Variants in NTRK2 observed in about 807,000 individuals in gnomAD.
NTRK2 encodes the protein neurotrophic receptor tyrosine kinase 2, also known as BDNF/NT-3 growth factors receptor.
A neutral mutation model predicts 94.5 loss-of-function variants in NTRK2; 13 were observed. The observed-to-expected ratio is 0.14, with a 90% confidence interval of 0.09 to 0.22. The LOEUF is 0.22. NTRK2 is among the 10% of genes least tolerant of loss of function. The pLI is 1.00. For missense variants in NTRK2, 639 were observed against 1,071.2 expected, an observed-to-expected ratio of 0.60 and a Z score of 5.63; for synonymous variants, 372 against 407.4, an observed-to-expected ratio of 0.91 and a Z score of 1.05.
intron 2 of NTRK2, among the ~76,000 whole-genome samples, chr9:84,690,528 TA>T (rs1363627790): frequency 7.1e-6 from 1 of 141,772 alleles, no homozygotes; most frequent in Non-Finnish European, 1.5e-5. Context: ...AAAGACATTT[TA>T]AAAAATGATA....
intron 12 of NTRK2, among the ~76,000 whole-genome samples, chr9:84,755,027 C>T (rs2064960359): frequency 6.6e-6 from 1 of 152,162 alleles, no homozygotes; most frequent in Non-Finnish European, 1.5e-5. Context: ...CAGGGCAACA[C>T]AAGCTTTATG....
At chr9:84,872,612 T>C in intron 14 of NTRK2, 1 of 1,064,900 alleles carries the variant, frequency 9.4e-7, no homozygotes. Flanking sequence ...ACTTTTTTTT[T>C]TTCAACTTAA....
At chr9:84,706,622 C>A (rs974149400) in intron 4 of NTRK2, among the ~76,000 whole-genome samples, 1 of 141,700 alleles carries the variant, frequency 7.1e-6, no homozygotes, top group African/African-American at 2.6e-5. Flanking sequence ...CTCTGCCTCC[C>A]GGGTTCATGC....
intron 14 of NTRK2, chr9:84,877,471 G>A (rs1381002049): frequency 2.3e-5 from 24 of 1,065,820 alleles, no homozygotes; most frequent in Non-Finnish European, 2.5e-5. Context: ...CTGGCTAATG[G>A]GCACTACATC....
intron 12 of NTRK2, among the ~76,000 whole-genome samples, chr9:84,758,637 C>T (rs1485829848): frequency 1.3e-5 from 2 of 152,160 alleles, no homozygotes; most frequent in African/African-American, 4.8e-5. Flanking sequence ...GTGATCCACC[C>T]GCCTCAGCCT....
intron 2 of NTRK2, among the ~76,000 whole-genome samples, chr9:84,697,828 GTGTGTT>G (rs2131629949): frequency 6.6e-6 from 1 of 152,298 alleles, no homozygotes; most frequent in East Asian, 1.9e-4. Flanking sequence ...TTGAGCTCGG[GTGTGTT>G]TGTCCACTGA....
chr9:84,899,655 T>C (rs2076868344), intron 14 of NTRK2, among the ~76,000 whole-genome samples: 2 of 152,198 alleles, frequency 1.3e-5, no homozygotes, highest in Non-Finnish European at 2.9e-5. Context: ...CGATTCTATA[T>C]TGTTTAGGTG....
intron 17 of NTRK2, among the ~76,000 whole-genome samples, chr9:84,985,208 G>A (rs565527131): frequency 5.9e-5 from 9 of 152,268 alleles, no homozygotes; most frequent in East Asian, 1.9e-4. Context: ...TGATTTTTGC[G>A]TCCTTTTCTA....
intron 14 of NTRK2, among the ~76,000 whole-genome samples, chr9:84,901,369 C>T (rs1371654506): frequency 6.6e-6 from 1 of 151,824 alleles, no homozygotes; most frequent in Admixed American, 6.6e-5. Flanking sequence ...ACTACAGGCA[C>T]GTGCCACCAC....
chr9:84,949,327 T>TG (rs907942233), intron 16 of NTRK2, among the ~76,000 whole-genome samples: 3 of 152,148 alleles, frequency 2.0e-5, no homozygotes, highest in African/African-American at 4.8e-5. Flanking sequence ...TTGTGGGATG[T>TG]GGGGTCTTCA....
rs117250170 is a variant in NTRK2 at position 84,723,596 on chromosome 9, G to T, written c.607G>T (p.Ala203Ser). Residue 203 changes from alanine (A) to serine (S), a missense_variant, in exon 7 of 19, where the codon GCA becomes TCA. By Grantham distance (99) the Ala-to-Ser change is moderately conservative. Coordinates refer to ENST00000277120, the MANE Select transcript of NTRK2 (RefSeq NM_006180.6). ...AGGTTTGCCATCTGCAAATCTGGCC[G>T]CACCTAACCTCACTGTGGAGGAAGG... ...NCGLPSANLA[A>S]PNLTVEEGKS... 3.0e-5 allele frequency: 48 copies of T among 1,613,882 alleles called. No homozygotes were observed. Among genetic ancestry groups the T allele is most frequent in the South Asian group, 1.9e-4 (17 of 91,072 alleles).
intron 12 of NTRK2, among the ~76,000 whole-genome samples, chr9:84,852,361 T>C (rs1822420): frequency 0.87 from 132,719 of 152,206 alleles, 57,964 homozygotes; most frequent in African/African-American, 0.9. Flanking sequence ...TGTGTGTGTG[T>C]GCAACCAGAC....
intron 12 of NTRK2, among the ~76,000 whole-genome samples, chr9:84,824,686 G>A (rs2073070122): frequency 6.6e-6 from 1 of 152,186 alleles, no homozygotes; most frequent in African/African-American, 2.4e-5. Context: ...GTGTTTCTGG[G>A]TGCTCTGTGT....
At chr9:84,706,514 A>ATTTTTTTTTT (rs1251771059) in intron 4 of NTRK2, among the ~76,000 whole-genome samples, 2 of 68,558 alleles carry the variant, frequency 2.9e-5, no homozygotes, top group African/African-American at 1.1e-4. Context: ...CATGTGTGTT[A>ATTTTTTTTTT]TTTTTTGTTT....
intron 17 of NTRK2, among the ~76,000 whole-genome samples, chr9:84,986,518 C>T (rs2133275428): frequency 6.6e-6 from 1 of 152,350 alleles, no homozygotes; most frequent in South Asian, 2.1e-4. Flanking sequence ...CACTCACCTC[C>T]TGCTGTGTGG....
At chr9:84,942,948 T>C (rs1052748943) in intron 15 of NTRK2, among the ~76,000 whole-genome samples, 1 of 152,198 alleles carries the variant, frequency 6.6e-6, no homozygotes, top group African/African-American at 2.4e-5. Flanking sequence ...CCAGAGGAAC[T>C]CAGGCATATT....
chr9:84,971,562 A>G (rs1421287762), intron 17 of NTRK2, among the ~76,000 whole-genome samples: 7 of 152,232 alleles, frequency 4.6e-5, no homozygotes, highest in Non-Finnish European at 2.9e-5. Flanking sequence ...GGTAAAGGAG[A>G]TGGCAGATGG....
chr9:84,670,044 C>G (rs1200789573), intron 1 of NTRK2, among the ~76,000 whole-genome samples, 156 bp downstream of exon 1: 1 of 152,174 alleles, frequency 6.6e-6, no homozygotes, highest in East Asian at 1.9e-4. Context: ...TTCGGGGGCC[C>G]CGTCGCGGAG....
At chr9:84,889,265 C>T (rs2076525354) in intron 14 of NTRK2, among the ~76,000 whole-genome samples, 1 of 150,642 alleles carries the variant, frequency 6.6e-6, no homozygotes, top group African/African-American at 2.4e-5. Context: ...GCTGGGATTA[C>T]AGGCGTGAGC....
Sources: allele counts gnomAD v4.1 joint callset (sites outside exome capture counted in the v4.1 genomes callset), GRCh38; gene constraint gnomAD v4.1.1; transcripts MANE v1.5; gene names NCBI Gene and HGNC (gene_info 2026-07-23, HGNC 2026-07-21).